Variants in SOX5 observed in about 807,000 individuals in gnomAD.
SOX5 encodes transcription factor SOX-5.
In SOX5, 9 loss-of-function variants were observed where a neutral mutation model predicts 92.0. That is an observed-to-expected ratio of 0.10 (90% CI 0.06 to 0.17). The LOEUF is 0.17. Ranked by LOEUF, SOX5 falls within the 10% of genes least tolerant of loss-of-function variation. The probability of loss-of-function intolerance (pLI) is 1.00; values close to 1 mark genes in which losing one functional copy is unlikely to be tolerated. For missense variants in SOX5, 642 were observed against 944.5 expected (o/e 0.68, Z 4.20); for synonymous variants, 344 against 336.3 (o/e 1.02, Z -0.25).
At chr12:24,172,084 T>TGTGTGTGTGCGTGCGCGC (rs1478173463) in intron 4 of SOX5, among the ~76,000 whole-genome samples, 21 of 135,058 alleles carry the variant, frequency 1.6e-4, no homozygotes, top group African/African-American at 5.5e-4. Context: ...TGTGCGTGTG[T>TGTGTGTGTGCGTGCGCGC]GTGTGTGTGC....
chr12:24,222,308 G>T (rs1439490406), intron 3 of SOX5, among the ~76,000 whole-genome samples: 1 of 152,134 alleles, frequency 6.6e-6, no homozygotes, highest in African/African-American at 2.4e-5. Context: ...GTAGGTCAGG[G>T]TAGAGTCTAT....
intron 2 of SOX5, among the ~76,000 whole-genome samples, chr12:23,855,592 C>A (rs191219366): frequency 1.8e-4 from 27 of 152,098 alleles, no homozygotes; most frequent in Admixed American, 4.6e-4. Flanking sequence ...CAAGCTTTTT[C>A]TTTCTTTGTG....
intron 4 of SOX5, among the ~76,000 whole-genome samples, chr12:23,967,992 C>T (rs1157769143): frequency 6.6e-6 from 1 of 152,150 alleles, no homozygotes; most frequent in Non-Finnish European, 1.5e-5. Flanking sequence ...AATGCAGTAG[C>T]TCTTCTACCA....
intron 6 of SOX5, among the ~76,000 whole-genome samples, chr12:23,724,351 T>A (rs541012097): frequency 1.3e-5 from 2 of 152,248 alleles, no homozygotes; most frequent in East Asian, 3.9e-4. Context: ...ACAAACTGTC[T>A]GAATTCTTGT....
intron 6 of SOX5, among the ~76,000 whole-genome samples, chr12:23,697,180 A>C (rs1251759757): frequency 6.6e-6 from 1 of 152,194 alleles, no homozygotes; most frequent in Non-Finnish European, 1.5e-5. Context: ...TGAAATATCC[A>C]ACTGTAATTG....
intron 1 of SOX5, among the ~76,000 whole-genome samples, chr12:24,528,365 A>G (rs936093024): frequency 3.9e-5 from 6 of 152,114 alleles, no homozygotes; most frequent in African/African-American, 1.4e-4. Context: ...AGTCTTTCCA[A>G]TTTAGGGGCG....
chr12:24,030,618 C>T (rs1955397528), intron 4 of SOX5, among the ~76,000 whole-genome samples: 1 of 151,858 alleles, frequency 6.6e-6, no homozygotes, highest in African/African-American at 2.4e-5. Flanking sequence ...GGAAAAGCTC[C>T]ATCACATTGA....
At chr12:24,032,662 C>G (rs567540973) in intron 4 of SOX5, among the ~76,000 whole-genome samples, 21 of 151,628 alleles carry the variant, frequency 1.4e-4, no homozygotes, top group African/African-American at 4.8e-4. Flanking sequence ...CCAGGCCATG[C>G]CAGGTAAGTA....
chr12:24,344,910 G>A (rs1396807792), intron 2 of SOX5, among the ~76,000 whole-genome samples: 1 of 152,102 alleles, frequency 6.6e-6, no homozygotes, highest in Middle Eastern at 3.2e-3. Context: ...GGAAGCCTGG[G>A]CTGCTTATAA....
At chr12:23,806,953 T>C (rs912999662) in intron 3 of SOX5, among the ~76,000 whole-genome samples, 1 of 152,166 alleles carries the variant, frequency 6.6e-6, no homozygotes, top group Non-Finnish European at 1.5e-5. Flanking sequence ...CACCTCCCTT[T>C]CAGCATGATT....
At chr12:23,708,293 C>G (rs1452672313) in intron 6 of SOX5, among the ~76,000 whole-genome samples, 1 of 148,056 alleles carries the variant, frequency 6.8e-6, no homozygotes, top group East Asian at 1.9e-4. Flanking sequence ...GTAGAGAATA[C>G]TATTCCAGGA....
intron 2 of SOX5, among the ~76,000 whole-genome samples, chr12:23,858,802 A>G (rs1273752129): frequency 6.6e-6 from 1 of 152,238 alleles, no homozygotes; most frequent in African/African-American, 2.4e-5. Flanking sequence ...CGGAGGGACC[A>G]GCTGAAGCCA....
At chr12:24,369,972 A>T (rs1595991075) in intron 1 of SOX5, among the ~76,000 whole-genome samples, 1 of 152,102 alleles carries the variant, frequency 6.6e-6, no homozygotes, top group East Asian at 1.9e-4. Flanking sequence ...CCCATTGCTT[A>T]TTTTTTCTCA....
rs148406639 is a variant in SOX5, at chr12:23,725,620, A to C, written c.810+9064T>G. Among the ~76,000 whole-genome samples, 9 of 152,316 alleles carry C rather than the reference A, an allele frequency of 5.9e-5. No individual in the cohort carries two copies. The East Asian group carries it at 1.7e-3, about 29-fold the overall frequency. On this transcript the variant is annotated intron_variant, in intron 6 of 14. Coordinates refer to ENST00000451604, the MANE Select transcript of SOX5 (RefSeq NM_006940.6). ...ACTGGGGTTTCTGACTCTGAAGATCAGGAGAGAAATTTAGGCTGGAGAGAC... is the reference window on the plus strand; with the variant it reads ...ACTGGGGTTTCTGACTCTGAAGATCCGGAGAGAAATTTAGGCTGGAGAGAC...
rs12314768 is a variant in SOX5, at chr12:23,699,643, G to T, written c.811-34079C>A. Among the ~76,000 whole-genome samples, 500 of 152,144 alleles carry T rather than the reference G, an allele frequency of 3.3e-3. 2 individuals are homozygous for T. The highest frequency in any genetic ancestry group is 0.011 in the African/African-American group (466 of 41,514). ...GTGCTAAATACTTCAGTATTTATGT[G>T]TACTCTTATTTTTTATGCACTGCTC... On this transcript the variant is annotated intron_variant, in intron 6 of 14. Coordinates refer to ENST00000451604, the MANE Select transcript of SOX5 (RefSeq NM_006940.6).
At chr12:23,790,994 A>G (rs1163346088) in intron 3 of SOX5, among the ~76,000 whole-genome samples, 20 of 152,198 alleles carry the variant, frequency 1.3e-4, no homozygotes, top group Admixed American at 1.3e-3. Context: ...CCATTCTTCC[A>G]ATGTCCCTCA....
rs571003945 is a variant in SOX5, at chr12:23,922,363, A to T, written c.39-26339T>A. Among the ~76,000 whole-genome samples, 7 of 152,382 alleles carry T rather than the reference A, an allele frequency of 4.6e-5. No individual in the cohort carries two copies. The South Asian group carries it at 6.2e-4, about 14-fold the overall frequency. On this transcript the variant is annotated intron_variant, in intron 1 of 14. Coordinates refer to ENST00000451604, the MANE Select transcript of SOX5 (RefSeq NM_006940.6). ...ATTTCACTATGATTCTTCAAAAAAC[A>T]TCATATTTGAAATTCAACCCCTACA...
chr12:24,021,527 C>T (rs914122879), intron 4 of SOX5, among the ~76,000 whole-genome samples: 4 of 152,142 alleles, frequency 2.6e-5, no homozygotes, highest in South Asian at 2.1e-4. Context: ...ATCACAACAT[C>T]GTCTTGTATA....
rs35485466 is a variant in SOX5 at position 23,767,215 on chromosome 12, AACACACACAC to A, written c.482-11501_482-11492del. Among the ~76,000 whole-genome samples the A allele has an allele frequency of 7.3e-5, 10 of 137,896 alleles. No homozygotes were observed. In the South Asian group the frequency reaches 1.5e-3, roughly 21 times the overall value. The allele number at this position is 137,896 out of a possible 152,430, so 90.5% of individuals were successfully genotyped here. ...ATGGACCTTGTCTCAAAAAAACAGA[AACACACACAC>A]ACACACACACACACACACACACATA... is the stretch of plus-strand genomic sequence containing the variant. On this transcript the variant is annotated intron_variant, in intron 3 of 14. Coordinates refer to ENST00000451604, the MANE Select transcript of SOX5 (RefSeq NM_006940.6).
Sources: allele counts gnomAD v4.1 joint callset (sites outside exome capture counted in the v4.1 genomes callset), GRCh38; gene constraint gnomAD v4.1.1; transcripts MANE v1.5; gene names NCBI Gene and HGNC (gene_info 2026-07-23, HGNC 2026-07-21).